The following MEG3 variants were observed in gnomAD, a reference collection of about 807,000 sequenced individuals.
MEG3 encodes Very putative protein from MEG3 locus.
upstream of MEG3, chr14:100,854,482 G>A (rs1489875775): frequency 6.6e-6 from 1 of 152,208 alleles, no homozygotes; most frequent in Non-Finnish European, 1.5e-5. Flanking sequence ...TGGCCTTTCA[G>A]GTCTGTTTGA....
At chr14:100,834,952 G>A in exon 1 of MEG3, 1 of 399,462 alleles carries the variant, frequency 2.5e-6, no homozygotes. Flanking sequence ...TCCAACAGTT[G>A]ATCCTAACTG....
downstream of MEG3, chr14:100,829,831 C>G (rs1211139145): frequency 6.6e-6 from 1 of 152,152 alleles, no homozygotes; most frequent in Admixed American, 6.5e-5. Flanking sequence ...AGAGCACTTT[C>G]TATGTGATAT....
chr14:100,853,747 ATAT>A (rs2038159953), upstream of MEG3: 1 of 152,230 alleles, frequency 6.6e-6, no homozygotes, highest in South Asian at 2.1e-4. Context: ...CCTTTTAAAA[ATAT>A]TATGAATAAT....
rs1024738392 is a variant in MEG3, at chr14:100,845,483, G to C, written n.3071G>C. 1 of 456,788 alleles carries C rather than the reference G, an allele frequency of 2.2e-6. No homozygotes were observed. 28.3% of individuals were successfully genotyped at this position (456,788 alleles called of 1,614,324 possible). A position where few individuals can be genotyped will look rare whatever the true frequency, so the allele number is the denominator to read the frequency against. On this transcript the variant is annotated non_coding_transcript_exon_variant, in exon 3 of 4. Coordinates refer to the MEG3 transcript ENST00000398461. This position sits in a 1 kb window ranked among gnomAD's most constrained non-coding sequence, Gnocchi z 5.2. ...CGGAAGCCATCACCTGGATGCCTAC[G>C]TGGGAAGGGACCTCGAATGTGGGAC...
At chr14:100,826,790 G>A (rs1195943214) in intron 1 of MEG3, among the ~76,000 whole-genome samples, 1 of 152,172 alleles carries the variant, frequency 6.6e-6, no homozygotes, top group Non-Finnish European at 1.5e-5. Context: ...GTTTAGTGCA[G>A]TGTGGACCCC....
downstream of MEG3, chr14:100,829,834 T>C (rs2037348286): frequency 6.6e-6 from 1 of 152,206 alleles, no homozygotes; most frequent in African/African-American, 2.4e-5. Context: ...GCACTTTCTA[T>C]GTGATATGAA....
intron 2 of MEG3, among the ~76,000 whole-genome samples, chr14:100,840,892 C>T (rs905433955): frequency 3.3e-5 from 5 of 152,216 alleles, no homozygotes; most frequent in Admixed American, 6.5e-5. Context: ...CGCCGGCCTC[C>T]GCGCTCACAG....
At chr14:100,852,025 G>A (rs1279294556) in intron 3 of MEG3, 2 of 237,650 alleles carry the variant, frequency 8.4e-6, no homozygotes, top group East Asian at 1.3e-4. Context: ...ACAAGCGCCC[G>A]GAGCAGTAGG....
chr14:100,828,001 G>C (rs148168625), intron 1 of MEG3, among the ~76,000 whole-genome samples: 1 of 152,148 alleles, frequency 6.6e-6, no homozygotes, highest in African/African-American at 2.4e-5. Context: ...CGCAGGAGGC[G>C]CCTGGTGCGG....
chr14:100,841,288 G>A (rs1026997858), intron 2 of MEG3, among the ~76,000 whole-genome samples: 6 of 152,232 alleles, frequency 3.9e-5, no homozygotes, highest in Non-Finnish European at 7.3e-5. Flanking sequence ...CCAGAGACCT[G>A]GTTAGAGCCT....
At chr14:100,835,881 T>G in intron 1 of MEG3, 1 of 282,894 alleles carries the variant, frequency 3.5e-6, no homozygotes. Flanking sequence ...CGTGCCCTGG[T>G]GGGTGTTGCC....
At chr14:100,855,776 G>C (rs2038224006), upstream of MEG3, 2 of 152,208 alleles carry the variant, frequency 1.3e-5, no homozygotes, top group Non-Finnish European at 2.9e-5. Context: ...GTTGGTAAAG[G>C]GGCCGTGCTT....
intron 3 of MEG3, chr14:100,846,599 T>C (rs896383831): frequency 1.3e-5 from 2 of 152,228 alleles, no homozygotes; most frequent in African/African-American, 4.8e-5. Flanking sequence ...TTGCATTGTA[T>C]AATAAATGAC....
At chr14:100,860,686 C>T in intron 1 of MEG3, 2 of 456,652 alleles carry the variant, frequency 4.4e-6, no homozygotes, top group Non-Finnish European at 4.4e-6. Flanking sequence ...CTGTGTCTCT[C>T]TCAGCCTCCA....
At chr14:100,827,952 G>A (rs1238652235) in intron 1 of MEG3, among the ~76,000 whole-genome samples, 3 of 152,212 alleles carry the variant, frequency 2.0e-5, no homozygotes, top group Admixed American at 6.5e-5. Context: ...CCGCTGGGTG[G>A]CCCACCTTCC....
chr14:100,837,708 C>T lies in MEG3; in HGVS notation n.3045+1408C>T, dbSNP rs1015090508. Among the ~76,000 whole-genome samples the T allele has an allele frequency of 7.4e-6, 1 of 134,560 alleles. No individual in the cohort carries two copies. The highest frequency in any genetic ancestry group is 1.6e-5 in the Non-Finnish European group (1 of 63,910). 88.3% of individuals were successfully genotyped at this position (134,560 alleles called of 152,430 possible). ...GTGTCTCTGGTTTCCGACGCAGCCT[C>T]GTAATGCTCTTTAATCAAACAGAGG... is the stretch of plus-strand genomic sequence containing the variant. On this transcript the variant is annotated intron_variant and non_coding_transcript_variant, in intron 2 of 3. Transcript: ENST00000398461. The surrounding 1 kb of genome is among the most constrained non-coding windows in gnomAD (Gnocchi z 5.8).
At position 100,837,894 on chromosome 14, in the gene MEG3, G is replaced by T. The variant is rs1256897115; in HGVS notation, n.3045+1594G>T. On this transcript the variant is annotated intron_variant and non_coding_transcript_variant, in intron 2 of 3. Transcript: ENST00000398461. The surrounding 1 kb of genome is among the most constrained non-coding windows in gnomAD (Gnocchi z 5.8). ...TCTGCTTGTTTCTGCTCTCTGGAGAGCCCCAGAGCCTGGAGAGACGGGGAG... is the reference window on the plus strand; with the variant it reads ...TCTGCTTGTTTCTGCTCTCTGGAGATCCCCAGAGCCTGGAGAGACGGGGAG... Among the ~76,000 whole-genome samples the T allele has an allele frequency of 6.6e-6, 1 of 152,050 alleles. No homozygotes were observed. Among genetic ancestry groups the T allele is most frequent in the Non-Finnish European group, 1.5e-5 (1 of 68,012 alleles).
At chr14:100,852,613 G>C (rs2038116267), upstream of MEG3, 4 of 353,478 alleles carry the variant, frequency 1.1e-5, no homozygotes, top group Middle Eastern at 3.9e-4. Context: ...TGTTGGATGA[G>C]GATGGGGCGG....
At chr14:100,858,528 C>T (rs2038307970) in exon 1 of MEG3, 1 of 152,782 alleles carries the variant, frequency 6.5e-6, no homozygotes, top group African/African-American at 2.4e-5. Context: ...ACGCAAGCCT[C>T]CCTTGCCCCC....
Sources: allele counts gnomAD v4.1 joint callset (sites outside exome capture counted in the v4.1 genomes callset), GRCh38; gene constraint gnomAD v4.1.1; non-coding constraint Gnocchi (gnomAD v3.1); transcripts MANE v1.5; gene names NCBI Gene and HGNC (gene_info 2026-07-23, HGNC 2026-07-21).